SORCS2: variants seen among roughly 807,000 people sequenced by gnomAD.
SORCS2 encodes the protein sortilin related VPS10 domain containing receptor 2, also known as VPS10 domain-containing receptor SorCS2.
Under a neutral mutation model 141.6 loss-of-function variants are expected in SORCS2, and 100 were observed. The observed-to-expected ratio is 0.71, with a 90% CI of 0.60 to 0.83. The LOEUF (loss-of-function observed/expected upper bound fraction) is 0.83. Ranked by LOEUF, SORCS2 falls within the 40% of genes least tolerant of loss-of-function variation. SORCS2 has a pLI of 0.00. For missense variants in SORCS2, 1,646 were observed against 1,560.2 expected (o/e 1.05, Z -0.93); for synonymous variants, 789 against 676.9 (o/e 1.17, Z -2.57).
intron 1 of SORCS2, among the ~76,000 whole-genome samples, chr4:7,198,910 C>T (rs184850425): frequency 6.6e-6 from 1 of 152,274 alleles, no homozygotes; most frequent in East Asian, 1.9e-4. Flanking sequence ...TCTGCCCTTG[C>T]CCCAGTCACT....
intron 1 of SORCS2, among the ~76,000 whole-genome samples, chr4:7,314,199 G>C (rs977951642): frequency 6.6e-6 from 1 of 152,196 alleles, no homozygotes; most frequent in African/African-American, 2.4e-5. Flanking sequence ...AGGAGAGGCT[G>C]GGCAGGGGCC....
chr4:7,674,204 G>T (rs938771801), intron 8 of SORCS2, among the ~76,000 whole-genome samples: 1 of 151,562 alleles, frequency 6.6e-6, no homozygotes, highest in African/African-American at 2.4e-5. Context: ...TCTGTGTGTT[G>T]AATTTCGGTC....
chr4:7,445,833 G>T (rs1390379367), intron 2 of SORCS2, among the ~76,000 whole-genome samples: 2 of 152,118 alleles, frequency 1.3e-5, no homozygotes, highest in Non-Finnish European at 1.5e-5. Context: ...ATGGCCAGCT[G>T]CTTTTCCTGG....
rs73794377 is a variant in SORCS2, at chr4:7,681,872, A to G, written c.1342-871A>G. ...CACCCCCTCTGAGCCTCAGTTTCCC[A>G]TGGTGCATGCTGCATATACAGGTGC... On this transcript the variant is annotated intron_variant, in intron 9 of 26. Transcript: ENST00000507866. 1.7e-3 allele frequency among the ~76,000 whole-genome samples: 255 copies of G among 152,318 alleles called. 1 individual carries two copies. The highest frequency in any genetic ancestry group is 4.7e-3 in the African/African-American group (194 of 41,562).
chr4:7,380,384 A>G (rs1034648681), intron 1 of SORCS2, among the ~76,000 whole-genome samples: 1 of 152,228 alleles, frequency 6.6e-6, no homozygotes, highest in Non-Finnish European at 1.5e-5. Flanking sequence ...CCATGTTGGA[A>G]TTGCACTGGA....
chr4:7,558,688 G>A (rs930765571), intron 3 of SORCS2, among the ~76,000 whole-genome samples: 3 of 152,224 alleles, frequency 2.0e-5, no homozygotes, highest in Non-Finnish European at 4.4e-5. Flanking sequence ...GCTATCCTGT[G>A]CCTGCATGGT....
chr4:7,214,797 G>C (rs916021142), intron 1 of SORCS2, among the ~76,000 whole-genome samples: 2 of 152,256 alleles, frequency 1.3e-5, no homozygotes, highest in Non-Finnish European at 2.9e-5. Context: ...GAAGCTGCCA[G>C]TGGGGCTGCT....
rs868498573 is a variant in SORCS2, at chr4:7,193,074, G to A, written c.428G>A (p.Gly143Glu). 2 of 1,561,538 alleles carry A rather than the reference G, an allele frequency of 1.3e-6. No homozygotes were observed. The highest frequency in any genetic ancestry group is 1.7e-6 in the Non-Finnish European group (2 of 1,163,558). The stretch of plus-strand genomic sequence containing the variant: ...ATCAGCACGTCGTTCGTGCTCAAGG[G>A]GGACGCGACGCACAACCAGGCGATG... Reference protein sequence around the residue: ...SLISTSFVLKGDATHNQAMVH... With the variant: ...SLISTSFVLKEDATHNQAMVH... The change falls in exon 1 of 27, where the codon GGG becomes GAG. Residue 143 changes from glycine (G) to glutamate (E), a missense_variant. Transcript: ENST00000507866. This position sits in a 1 kb window ranked among gnomAD's most constrained non-coding sequence, Gnocchi z 4.8.
intron 2 of SORCS2, among the ~76,000 whole-genome samples, chr4:7,499,849 TGGGTGGACCC>T (rs1731853352): frequency 1.3e-5 from 2 of 152,144 alleles, no homozygotes; most frequent in African/African-American, 4.8e-5. Context: ...CCGGCACAGG[TGGGTGGACCC>T]CCTCCCAGGC....
intron 1 of SORCS2, among the ~76,000 whole-genome samples, chr4:7,289,118 G>A (rs1364820934): frequency 6.6e-6 from 1 of 152,188 alleles, no homozygotes; most frequent in Non-Finnish European, 1.5e-5. Context: ...AGGTGTAGGT[G>A]ACATATGGAT....
chr4:7,532,061 C>T (rs528399387), intron 3 of SORCS2, among the ~76,000 whole-genome samples: 1 of 152,218 alleles, frequency 6.6e-6, no homozygotes, highest in Non-Finnish European at 1.5e-5. Context: ...TCTGAGCTCT[C>T]CTTGCTGTTT....
intron 2 of SORCS2, among the ~76,000 whole-genome samples, chr4:7,454,773 A>AG (rs202152302): frequency 2.5e-5 from 2 of 80,462 alleles, no homozygotes; most frequent in African/African-American, 5.1e-5. Context: ...TGTTGGGGTC[A>AG]GTGCTGTGTG....
intron 2 of SORCS2, among the ~76,000 whole-genome samples, chr4:7,401,729 G>A (rs79984336): frequency 0.018 from 2,711 of 152,184 alleles, 84 homozygotes; most frequent in African/African-American, 0.063. Flanking sequence ...CACTAATGCT[G>A]GGCCAACCCT....
At chr4:7,530,523 G>T (rs1459744192) in intron 2 of SORCS2, among the ~76,000 whole-genome samples, 5 of 152,258 alleles carry the variant, frequency 3.3e-5, no homozygotes, top group Non-Finnish European at 7.3e-5. Flanking sequence ...CCTTGGGTCT[G>T]TGTCTGGATT....
At chr4:7,679,274 A>T (rs941776684) in intron 9 of SORCS2, among the ~76,000 whole-genome samples, 4 of 152,176 alleles carry the variant, frequency 2.6e-5, no homozygotes, top group African/African-American at 9.6e-5. Context: ...TGGGTTATGA[A>T]TGGGGACTTA....
At chr4:7,624,451 C>T (rs539823395) in intron 3 of SORCS2, among the ~76,000 whole-genome samples, 1 of 152,342 alleles carries the variant, frequency 6.6e-6, no homozygotes, top group African/African-American at 2.4e-5. Flanking sequence ...GAAGCTGATG[C>T]AAGATTTTAA....
intron 1 of SORCS2, among the ~76,000 whole-genome samples, chr4:7,220,734 T>G (rs10023421): frequency 0.25 from 37,829 of 152,042 alleles, 5,012 homozygotes; most frequent in East Asian, 0.45. Flanking sequence ...GGGTGGCCTC[T>G]CCAGGTGCGT....
At chr4:7,578,283 C>T (rs1479875894) in intron 3 of SORCS2, among the ~76,000 whole-genome samples, 1 of 152,160 alleles carries the variant, frequency 6.6e-6, no homozygotes, top group African/African-American at 2.4e-5. Context: ...TTTCCAGTCA[C>T]CATAATCATG....
chr4:7,240,008 C>T (rs1332580937), intron 1 of SORCS2, among the ~76,000 whole-genome samples: 1 of 152,166 alleles, frequency 6.6e-6, no homozygotes, highest in African/African-American at 2.4e-5. Flanking sequence ...CACAGGAAAG[C>T]TCTGCTCTCC....
Sources: allele counts gnomAD v4.1 joint callset (sites outside exome capture counted in the v4.1 genomes callset), GRCh38; gene constraint gnomAD v4.1.1; non-coding constraint Gnocchi (gnomAD v3.1); transcripts MANE v1.5; gene names NCBI Gene and HGNC (gene_info 2026-07-23, HGNC 2026-07-21).